Variants in SCML2 observed in about 807,000 individuals in gnomAD.
The protein encoded by SCML2 is sex comb on midleg-like protein 2.
A neutral mutation model predicts 48.4 loss-of-function variants in SCML2; 6 were observed. The ratio of observed to expected loss-of-function variants is 0.12; its 90% CI spans 0.07 to 0.24. The LOEUF (loss-of-function observed/expected upper bound fraction) is 0.24, where lower values mean the gene tolerates loss of function less well. SCML2 is among the 10% of genes least tolerant of loss of function. The pLI, the probability that SCML2 is intolerant of heterozygous loss-of-function variation, is 1.00. For synonymous variants in SCML2, 181 were observed against 189.5 expected (o/e 0.95, Z 0.37); for missense variants, 377 against 528.2 (o/e 0.71, Z 2.81).
intron 6 of SCML2, among the ~76,000 whole-genome samples, chrX:18,312,999 G>A (rs763122590): frequency 1.5e-3 from 143 of 95,520 alleles, no homozygotes; most frequent in African/African-American, 5.5e-3. Flanking sequence ...GTGTGTGTGT[G>A]TGTGTGTGCG....
intron 7 of SCML2, among the ~76,000 whole-genome samples, chrX:18,301,185 G>A (rs955925685): frequency 9.9e-5 from 11 of 111,344 alleles, no homozygotes; most frequent in Non-Finnish European, 1.5e-4. Context: ...TTCACCTAAG[G>A]TCAGGAGTTC....
intron 8 of SCML2, among the ~76,000 whole-genome samples, chrX:18,264,496 G>A (rs903647869): frequency 2.0e-5 from 2 of 102,375 alleles, no homozygotes; most frequent in Non-Finnish European, 4.0e-5. Context: ...TAATGTCATC[G>A]AAGACCAGTT....
chrX:18,261,083 G>C (rs1256322112), intron 8 of SCML2, among the ~76,000 whole-genome samples: 2 of 108,806 alleles, frequency 1.8e-5, no homozygotes, highest in Non-Finnish European at 3.8e-5. Context: ...AATGGCTGTC[G>C]TTTGGGTTGA....
At chrX:18,269,747 C>T (rs1178070434) in intron 7 of SCML2, among the ~76,000 whole-genome samples, 3 of 110,802 alleles carry the variant, frequency 2.7e-5, no homozygotes, top group East Asian at 2.8e-4. Context: ...ACTGAATGAA[C>T]GAATGAAAAA....
At chrX:18,280,484 CAAT>C (rs1434720021) in intron 7 of SCML2, among the ~76,000 whole-genome samples, 4 of 111,813 alleles carry the variant, frequency 3.6e-5, no homozygotes, top group African/African-American at 1.3e-4. Context: ...GCTAACAACA[CAAT>C]GACAGGATCA....
chrX:18,344,332 C>G (rs1481750780), intron 1 of SCML2, among the ~76,000 whole-genome samples: 1 of 111,810 alleles, frequency 8.9e-6, no homozygotes, highest in African/African-American at 3.2e-5. Flanking sequence ...TATCAGTTAC[C>G]AAGTTATTTT....
Position 18,240,097 on chromosome X carries a change from G to A in SCML2, c.*1154C>T, listed in dbSNP as rs1421315161. 8.9e-6 allele frequency: 1 copy of A among 112,455 alleles called. No individual in the cohort carries two copies. The highest frequency in any genetic ancestry group is 1.9e-5 in the Non-Finnish European group (1 of 53,248). 9.3% of individuals were successfully genotyped at this position (112,455 alleles called of 1,213,427 possible). ...CAAATTAATTAGAAACATTGCATAG[G>A]ACAGAGAACTTCCCTGTATGGAAAC... is the stretch of plus-strand genomic sequence containing the variant. On this transcript the variant is annotated 3_prime_UTR_variant, in exon 15 of 15. Transcript: ENST00000251900.
chrX:18,340,931 C>T (rs1454582407), intron 1 of SCML2, among the ~76,000 whole-genome samples: 14 of 111,426 alleles, frequency 1.3e-4, no homozygotes, highest in African/African-American at 3.9e-4. Context: ...TCAAATACTG[C>T]TTTTTGATAA....
chrX:18,313,282 G>A (rs1372287988), intron 6 of SCML2, among the ~76,000 whole-genome samples: 2 of 110,709 alleles, frequency 1.8e-5, no homozygotes, highest in African/African-American at 6.6e-5. Flanking sequence ...GGGACCCGGG[G>A]GAGGTAATTG....
At chrX:18,258,375 T>C in intron 9 of SCML2, 128 bp from the exon 10 acceptor site, 1 of 448,211 alleles carries the variant, frequency 2.2e-6, no homozygotes, top group Non-Finnish European at 3.8e-6. Flanking sequence ...ATATAGTTAA[T>C]ATCAATGATC....
chrX:18,310,756 C>A (rs1238362473), intron 6 of SCML2, among the ~76,000 whole-genome samples: 1 of 110,639 alleles, frequency 9.0e-6, no homozygotes, highest in Non-Finnish European at 1.9e-5. Flanking sequence ...CAGCTTTTAA[C>A]CTCCCTTCTT....
intron 11 of SCML2, among the ~76,000 whole-genome samples, chrX:18,255,761 C>T (rs1206679131): frequency 3.5e-5 from 4 of 112,851 alleles, no homozygotes; most frequent in African/African-American, 9.6e-5. Flanking sequence ...GTGGTACCCA[C>T]GCTTCACACT....
intron 7 of SCML2, among the ~76,000 whole-genome samples, chrX:18,275,179 C>T (rs753552455): frequency 1.8e-5 from 2 of 112,546 alleles, no homozygotes; most frequent in Non-Finnish European, 3.7e-5. Flanking sequence ...GGCACATGTT[C>T]TCAGGATCTC....
intron 7 of SCML2, among the ~76,000 whole-genome samples, chrX:18,278,500 G>A (rs1927721462): frequency 8.9e-6 from 1 of 112,111 alleles, no homozygotes; most frequent in Admixed American, 9.4e-5. Context: ...TTTGGATGGT[G>A]CAGAGCCCAG....
chrX:18,306,090 AAGT>A (rs967309815), intron 6 of SCML2, among the ~76,000 whole-genome samples: 2 of 111,743 alleles, frequency 1.8e-5, no homozygotes, highest in African/African-American at 6.5e-5. Flanking sequence ...ATTTAAAAAA[AAGT>A]AGTCCTGGAC....
At position 18,265,718 on chromosome X, in the gene SCML2, G is replaced by A. The variant is rs1047684531; in HGVS notation, c.815C>T (p.Thr272Ile). ...QHSMQSPQKT[T>I]LILPTQQVRR... ...GACCTGCTGTGTTGGTAATATTAGA[G>A]TAGTTTTCTGTGGAGACTGCATTGA... Residue 272 changes from threonine to isoleucine, a missense_variant, in exon 8 of 15, where the codon ACT becomes ATT. Transcript: ENST00000251900. The A allele has an allele frequency of 8.3e-7, 1 of 1,208,037 alleles. No individual in the cohort carries two copies. The highest frequency in any genetic ancestry group is 1.8e-5 in the African/African-American group (1 of 57,051).
intron 7 of SCML2, among the ~76,000 whole-genome samples, chrX:18,290,169 C>G (rs1194486738): frequency 8.9e-6 from 1 of 111,790 alleles, no homozygotes; most frequent in Non-Finnish European, 1.9e-5. Flanking sequence ...CCTTTAAGGT[C>G]TATTTAAGTA....
At chrX:18,288,431 A>G (rs1403828221) in intron 7 of SCML2, among the ~76,000 whole-genome samples, 1 of 111,277 alleles carries the variant, frequency 9.0e-6, no homozygotes, top group Non-Finnish European at 1.9e-5. Context: ...CAATAGGACT[A>G]TTCTTTTTAA....
chrX:18,285,595 C>T (rs779511497), intron 7 of SCML2, among the ~76,000 whole-genome samples: 1 of 110,535 alleles, frequency 9.0e-6, no homozygotes, highest in Non-Finnish European at 1.9e-5. Flanking sequence ...TTATTGGGTA[C>T]TATGCTCACT....
Sources: allele counts gnomAD v4.1 joint callset (sites outside exome capture counted in the v4.1 genomes callset), GRCh38; gene constraint gnomAD v4.1.1; transcripts MANE v1.5; gene names NCBI Gene and HGNC (gene_info 2026-07-23, HGNC 2026-07-21).